Variants in LPP observed in about 807,000 individuals in gnomAD.
LPP encodes the protein LIM domain containing preferred translocation partner in lipoma.
In LPP, 38 loss-of-function variants were observed where a neutral mutation model predicts 60.4. The observed-to-expected ratio is 0.63, with a 90% CI of 0.49 to 0.83. The LOEUF is 0.83. Among genes scored for constraint, LPP ranks in the 40% least tolerant of loss-of-function variants. The pLI, the probability that LPP is intolerant of heterozygous loss-of-function variation, is 0.00. For missense variants in LPP, 902 were observed against 783.6 expected (o/e 1.15, Z -1.80); for synonymous variants, 328 against 290.8 (o/e 1.13, Z -1.30).
At chr3:188,389,474 A>T (rs115080765) in intron 3 of LPP, among the ~76,000 whole-genome samples, 1,534 of 152,246 alleles carry the variant, frequency 0.01, 30 homozygotes, top group African/African-American at 0.035. Flanking sequence ...GTTTCCCTCC[A>T]TGGTCTCTTA....
chr3:188,182,791 C>CAT lies in LPP; in HGVS notation c.-190+28543_-190+28544dup, dbSNP rs1725488613. On this transcript the variant is annotated intron_variant, in intron 1 of 11. Transcript: ENST00000617246. This position sits in a 1 kb window ranked among gnomAD's most constrained non-coding sequence, Gnocchi z 4.4. ...TATATGTGCATATATAATATATGTA[C>CAT]ATATACAATATATGCACATATATAA... Among the ~76,000 whole-genome samples the CAT allele has an allele frequency of 6.7e-6, 1 of 148,856 alleles. No homozygotes were observed. Among genetic ancestry groups the CAT allele is most frequent in the Non-Finnish European group, 1.5e-5 (1 of 67,436 alleles).
intron 3 of LPP, among the ~76,000 whole-genome samples, chr3:188,403,667 G>A (rs1351311610): frequency 6.6e-6 from 1 of 151,880 alleles, no homozygotes; most frequent in African/African-American, 2.4e-5. Context: ...GATGGGTTTG[G>A]TTTTGGTATT....
chr3:188,436,408 C>T (rs1021703937), intron 4 of LPP, among the ~76,000 whole-genome samples: 1 of 152,126 alleles, frequency 6.6e-6, no homozygotes, highest in Admixed American at 6.5e-5. Flanking sequence ...CTTTGATTCC[C>T]AGATTTAACA....
chr3:188,587,445 G>C (rs745905079), intron 6 of LPP, among the ~76,000 whole-genome samples: 2 of 151,996 alleles, frequency 1.3e-5, no homozygotes, highest in Non-Finnish European at 2.9e-5. Context: ...TTATTTTCAT[G>C]TTGTTACTAC....
At chr3:188,338,660 G>A (rs777290159) in intron 2 of LPP, among the ~76,000 whole-genome samples, 6 of 151,944 alleles carry the variant, frequency 3.9e-5, no homozygotes, top group African/African-American at 7.3e-5. Flanking sequence ...CCCCCTATTC[G>A]GAATGAATAT....
chr3:188,433,851 T>A (rs1316982417), intron 4 of LPP, among the ~76,000 whole-genome samples: 2 of 152,132 alleles, frequency 1.3e-5, no homozygotes, highest in Non-Finnish European at 2.9e-5. Flanking sequence ...TCTCTTGGTG[T>A]TATCTTTTTT....
chr3:188,616,982 A>C (rs1316456037), intron 7 of LPP, among the ~76,000 whole-genome samples: 1 of 152,176 alleles, frequency 6.6e-6, no homozygotes, highest in Non-Finnish European at 1.5e-5. Flanking sequence ...CTTTAATAAG[A>C]CTTCTTAGGC....
At chr3:188,193,565 A>G (rs867782587) in intron 1 of LPP, among the ~76,000 whole-genome samples, 1 of 152,210 alleles carries the variant, frequency 6.6e-6, no homozygotes, top group Non-Finnish European at 1.5e-5. Context: ...CCTGCTTTCC[A>G]CTGTTCCTTA....
At chr3:188,442,798 G>A (rs1046215940) in intron 4 of LPP, among the ~76,000 whole-genome samples, 4 of 152,092 alleles carry the variant, frequency 2.6e-5, no homozygotes, top group Admixed American at 6.6e-5. Context: ...GTCACTCCTC[G>A]GGCCCAGTGA....
chr3:188,355,219 T>C (rs979720815), intron 3 of LPP, among the ~76,000 whole-genome samples: 2 of 152,006 alleles, frequency 1.3e-5, no homozygotes, highest in African/African-American at 4.8e-5. Context: ...ATATTGGCCA[T>C]GCTGGTCTCG....
At chr3:188,368,682 T>A (rs9866401) in intron 3 of LPP, among the ~76,000 whole-genome samples, 33,548 of 128,822 alleles carry the variant, frequency 0.26, 4,421 homozygotes, top group African/African-American at 0.33. Context: ...ACACACACTC[T>A]CACACACACA....
intron 5 of LPP, among the ~76,000 whole-genome samples, chr3:188,515,322 T>C (rs1485849380): frequency 6.6e-6 from 1 of 152,184 alleles, no homozygotes; most frequent in East Asian, 1.9e-4. Flanking sequence ...TATGACATGG[T>C]AGCTCCCTGT....
At chr3:188,421,159 A>G (rs537192809) in intron 4 of LPP, among the ~76,000 whole-genome samples, 1 of 152,302 alleles carries the variant, frequency 6.6e-6, no homozygotes, top group African/African-American at 2.4e-5. Context: ...TTAGACTGCA[A>G]CATGCTTTCT....
At chr3:188,701,260 C>G (rs947442131) in intron 7 of LPP, among the ~76,000 whole-genome samples, 2 of 151,992 alleles carry the variant, frequency 1.3e-5, no homozygotes, top group Non-Finnish European at 2.9e-5. Flanking sequence ...GGGATTTAGA[C>G]CCAGATTTGG....
In LPP at chr3:188,368,938, A is replaced by T. The variant is rs567065832; in HGVS notation, c.-10+27219A>T. ...AAGAGAGGGTCACCCGCCACATTTT[A>T]TCTCTCTGTCTTATTTCAGGCAGAC... is the stretch of plus-strand genomic sequence containing the variant. On this transcript the variant is annotated intron_variant, in intron 3 of 11. Transcript: ENST00000617246. 1.5e-4 allele frequency among the ~76,000 whole-genome samples: 23 copies of T among 152,274 alleles called. No homozygotes were observed. In the South Asian group the frequency reaches 3.1e-3, roughly 21 times the overall value.
chr3:188,722,465 T>C (rs944364090), intron 8 of LPP, among the ~76,000 whole-genome samples: 1 of 152,218 alleles, frequency 6.6e-6, no homozygotes, highest in Non-Finnish European at 1.5e-5. Flanking sequence ...GCACTAGATT[T>C]GGAGTCAGGA....
At chr3:188,658,137 G>GTTTAGTTTAGTTTAAT (rs375100095) in intron 7 of LPP, among the ~76,000 whole-genome samples, 1 of 146,000 alleles carries the variant, frequency 6.8e-6, no homozygotes, top group Non-Finnish European at 1.5e-5. Context: ...TTTAGTTTAG[G>GTTTAGTTTAGTTTAAT]TTAGTTTAGT....
intron 6 of LPP, among the ~76,000 whole-genome samples, chr3:188,565,233 G>T (rs1328452491): frequency 2.6e-5 from 4 of 151,914 alleles, no homozygotes; most frequent in Non-Finnish European, 4.4e-5. Context: ...CTTTTTGAGG[G>T]TTTTGCTTAA....
chr3:188,747,688 C>T (rs1726701221), intron 8 of LPP, among the ~76,000 whole-genome samples: 1 of 152,196 alleles, frequency 6.6e-6, no homozygotes, highest in African/African-American at 2.4e-5. Context: ...ACACTAATCA[C>T]TTTCAATCTT....
Sources: allele counts gnomAD v4.1 joint callset (sites outside exome capture counted in the v4.1 genomes callset), GRCh38; gene constraint gnomAD v4.1.1; non-coding constraint Gnocchi (gnomAD v3.1); transcripts MANE v1.5; gene names NCBI Gene and HGNC (gene_info 2026-07-23, HGNC 2026-07-21).